The following CUL4A variants were observed in gnomAD, a reference collection of about 807,000 sequenced individuals.
CUL4A encodes the protein cullin 4A.
In CUL4A, 16 loss-of-function variants were observed where a neutral mutation model predicts 95.5. That is an observed-to-expected ratio of 0.17 (90% confidence interval 0.11 to 0.25). CUL4A has a LOEUF of 0.25. Ranked by LOEUF, CUL4A falls within the 10% of genes least tolerant of loss-of-function variation. The pLI is 1.00. For missense variants in CUL4A, 610 were observed against 937.0 expected (o/e 0.65, Z 4.56); for synonymous variants, 380 against 353.1 (o/e 1.08, Z -0.85).
At chr13:113,234,054 C>G in intron 7 of CUL4A, 68 bp downstream of exon 7, 1 of 912,094 alleles carries the variant, frequency 1.1e-6, no homozygotes, top group Non-Finnish European at 1.7e-6. Flanking sequence ...GGAGGACTTT[C>G]CTCATGTTTG....
intron 4 of CUL4A, among the ~76,000 whole-genome samples, 197 bp downstream of exon 4, chr13:113,228,242 C>T (rs908775925): frequency 1.3e-5 from 2 of 152,216 alleles, no homozygotes; most frequent in Non-Finnish European, 2.9e-5. Flanking sequence ...TCTTGGCCTT[C>T]AGGTCCACAG....
intron 15 of CUL4A, among the ~76,000 whole-genome samples, chr13:113,248,823 CTGTT>C (rs989800178): frequency 3.3e-5 from 5 of 152,194 alleles, no homozygotes; most frequent in African/African-American, 1.2e-4. Context: ...ACAGACCTGT[CTGTT>C]CAGATTCTTC....
In CUL4A at chr13:113,243,141, C is replaced by T. The variant is rs772886683; in HGVS notation, c.1209C>T (p.Asn403=). Residue 403 remains asparagine, a synonymous_variant, in exon 11 of 20, where the codon AAC becomes AAT. Coordinates refer to ENST00000375440, the MANE Select transcript of CUL4A (RefSeq NM_001008895.4). ...SFETFINKRP[N]KPAELIAKHV... ...AGACGTTCATCAACAAGAGACCCAACAAGCCTGCAGAACTGATCGGTAGAA... is the reference window on the plus strand; with the variant it reads ...AGACGTTCATCAACAAGAGACCCAATAAGCCTGCAGAACTGATCGGTAGAA... 10 of 1,613,374 alleles carry T rather than the reference C, an allele frequency of 6.2e-6. No individual in the cohort carries two copies. Among genetic ancestry groups the T allele is most frequent in the Admixed American group, 3.3e-5 (2 of 59,994 alleles).
intron 3 of CUL4A, among the ~76,000 whole-genome samples, chr13:113,222,021 G>T (rs1176899059): frequency 6.6e-6 from 1 of 152,236 alleles, no homozygotes; most frequent in African/African-American, 2.4e-5. Flanking sequence ...CAGGCGCTGT[G>T]GGATGCCAAG....
intron 8 of CUL4A, among the ~76,000 whole-genome samples, chr13:113,236,229 G>A (rs548784496): frequency 3.9e-5 from 6 of 152,326 alleles, no homozygotes; most frequent in African/African-American, 1.4e-4. Context: ...GGAGGAGCCT[G>A]TGGGAAATCC....
chr13:113,215,172 GTCTCTC>G (rs1031035082), intron 2 of CUL4A, among the ~76,000 whole-genome samples: 1 of 150,746 alleles, frequency 6.6e-6, no homozygotes, highest in African/African-American at 2.4e-5. Context: ...GACTATGGAG[GTCTCTC>G]TCGTCCGTGT....
chr13:113,210,213 A>G, intron 2 of CUL4A, 125 bp downstream of exon 2: 1 of 575,436 alleles, frequency 1.7e-6, no homozygotes, highest in South Asian at 2.5e-5. Context: ...GTTTGCCTCC[A>G]CTGCAGGGCC....
intron 10 of CUL4A, among the ~76,000 whole-genome samples, chr13:113,241,711 A>G (rs1459760474): frequency 1.3e-5 from 2 of 151,652 alleles, no homozygotes; most frequent in Non-Finnish European, 1.5e-5. Context: ...ATGGGGTTTC[A>G]CCATATTGTC....
At chr13:113,256,658 C>T (rs1156694692) in intron 18 of CUL4A, among the ~76,000 whole-genome samples, 11 of 152,260 alleles carry the variant, frequency 7.2e-5, no homozygotes, top group Non-Finnish European at 4.4e-5. Flanking sequence ...TATAATCTTT[C>T]TAATGCTCAG....
chr13:113,244,344 C>A, intron 11 of CUL4A, 66 bp from the exon 12 acceptor site: 1 of 1,133,992 alleles, frequency 8.8e-7, no homozygotes, highest in Non-Finnish European at 1.3e-6. Flanking sequence ...TACAATGTTG[C>A]TAATAGAAAT....
intron 7 of CUL4A, among the ~76,000 whole-genome samples, chr13:113,234,289 A>G (rs1460805948): frequency 1.3e-5 from 2 of 152,248 alleles, no homozygotes; most frequent in East Asian, 1.9e-4. Context: ...TGAAAACTTA[A>G]AAATATAAAT....
intron 9 of CUL4A, 39 bp from the exon 10 acceptor site, chr13:113,239,394 C>A: frequency 6.6e-7 from 1 of 1,518,964 alleles, no homozygotes; most frequent in Non-Finnish European, 9.1e-7. Flanking sequence ...GTTAATGCTG[C>A]CCATGCTGTA....
At chr13:113,237,267 C>T (rs369794909) in intron 9 of CUL4A, among the ~76,000 whole-genome samples, 9 of 152,188 alleles carry the variant, frequency 5.9e-5, no homozygotes, top group African/African-American at 2.2e-4. Context: ...GGGAGCTGTT[C>T]GGGCTGTTAG....
In CUL4A at chr13:113,231,863, A is replaced by G. The variant is rs563304196; in HGVS notation, c.513-1314A>G. Among the ~76,000 whole-genome samples the G allele has an allele frequency of 1.5e-4, 23 of 152,236 alleles. 1 individual carries two copies. Among genetic ancestry groups the G allele is most frequent in the South Asian group, 2.1e-4 (1 of 4,830 alleles). On this transcript the variant is annotated intron_variant, in intron 5 of 19. Coordinates refer to ENST00000375440, the MANE Select transcript of CUL4A (RefSeq NM_001008895.4). The stretch of plus-strand genomic sequence containing the variant: ...GAGGCCCATGGTGATGTGGGCAGTC[A>G]AGGGAGGTGCACGTCTCCACCATTG...
At position 113,260,211 on chromosome 13, in the gene CUL4A, A is replaced by AAAAAACAAAAAAAAAAAC. The variant is rs1555307262; in HGVS notation, c.2032-391_2032-390insCAAAAAAAAAAACAAAAA. ...AGAGTGAGACTCCGTCTCAAAAAAA[A>AAAAAACAAAAAAAAAAAC]AAAAAAAACCATTTCCCATCAAATT... On this transcript the variant is annotated intron_variant, in intron 18 of 19. Coordinates refer to ENST00000375440, the MANE Select transcript of CUL4A (RefSeq NM_001008895.4). Among the ~76,000 whole-genome samples the AAAAAACAAAAAAAAAAAC allele has an allele frequency of 5.0e-5, 6 of 119,526 alleles. 1 individual carries two copies. The highest frequency in any genetic ancestry group is 2.2e-4 in the African/African-American group (6 of 27,714). 78.4% of individuals were successfully genotyped at this position (119,526 alleles called of 152,430 possible).
rs570349289 is a variant in CUL4A, at chr13:113,234,432, A to G, written c.765+446A>G. Reference sequence around the variant, plus strand: ...CCTTTCCAGATACCAGAGCAAAATCATAAAGGAACCTGCCCCATAGACTGT... The same window carrying G: ...CCTTTCCAGATACCAGAGCAAAATCGTAAAGGAACCTGCCCCATAGACTGT... On this transcript the variant is annotated intron_variant, in intron 7 of 19. Coordinates refer to ENST00000375440, the MANE Select transcript of CUL4A (RefSeq NM_001008895.4). 2.6e-5 allele frequency among the ~76,000 whole-genome samples: 4 copies of G among 152,334 alleles called. No homozygotes were observed. In the East Asian group the frequency reaches 7.7e-4, roughly 29 times the overall value.
chr13:113,261,810 T>G, intron 19 of CUL4A, among the ~76,000 whole-genome samples: 1 of 151,138 alleles, frequency 6.6e-6, no homozygotes. Context: ...TGAGATGGAG[T>G]CTTGCTGTCC....
chr13:113,244,193 G>T, intron 11 of CUL4A: 1 of 453,436 alleles, frequency 2.2e-6, no homozygotes. Context: ...ATTTAAACCT[G>T]CTTTAAACAT....
At chr13:113,227,503 A>G (rs1239546128) in intron 3 of CUL4A, among the ~76,000 whole-genome samples, 10 of 152,214 alleles carry the variant, frequency 6.6e-5, no homozygotes, top group African/African-American at 1.9e-4. Flanking sequence ...GCTTCAGCCT[A>G]TGAATTTTGG....
Sources: gnomAD v4.1 joint callset for allele counts (sites outside exome capture counted in the v4.1 genomes callset) on GRCh38, gnomAD v4.1.1 for gene constraint, MANE v1.5 for transcripts, NCBI Gene and HGNC (gene_info 2026-07-23, HGNC 2026-07-21) for gene names.